The following KLRG2 variants were observed in gnomAD, a reference collection of about 807,000 sequenced individuals.
KLRG2 encodes killer cell lectin-like receptor subfamily G member 2.
A neutral mutation model predicts 35.4 loss-of-function variants in KLRG2; 39 were observed. The ratio of observed to expected loss-of-function variants is 1.10; its 90% confidence interval spans 0.85 to 1.44. The LOEUF (loss-of-function observed/expected upper bound fraction) is 1.44. KLRG2 is among the 40% of genes most tolerant of loss of function. KLRG2 has a pLI of 0.00. For synonymous variants in KLRG2, 283 were observed against 265.8 expected, an observed-to-expected ratio of 1.06 and a Z score of -0.63; for missense variants, 632 against 570.9, an observed-to-expected ratio of 1.11 and a Z score of -1.09.
rs541974906 is a variant in KLRG2 at position 139,458,655 on chromosome 7, C to T, written c.1006-4441G>A. ...ATGTTTCAAATTACTTTTCTTAATC[C>T]TAGGATGTAAATGTATTCAATGGTT... On this transcript the variant is annotated intron_variant, in intron 3 of 4. Transcript: ENST00000340940. Among the ~76,000 whole-genome samples, 55 of 152,252 alleles carry T rather than the reference C, an allele frequency of 3.6e-4. 2 individuals are homozygous for T. In the South Asian group the frequency reaches 0.011, roughly 30 times the overall value.
downstream of KLRG2, among the ~76,000 whole-genome samples, chr7:139,451,196 G>C (rs763098253): frequency 3.3e-5 from 5 of 152,154 alleles, no homozygotes; most frequent in Non-Finnish European, 5.9e-5. Context: ...TGCTAAGTTT[G>C]GGGACAATTT....
At chr7:139,461,162 T>C (rs915822443) in intron 3 of KLRG2, among the ~76,000 whole-genome samples, 147 of 150,952 alleles carry the variant, frequency 9.7e-4, no homozygotes, top group Middle Eastern at 3.5e-3. Context: ...GGCAGGAGAA[T>C]TGCTTGAACT....
chr7:139,435,319 A>T, the KLRG2 span, among the ~76,000 whole-genome samples: 1 of 151,980 alleles, frequency 6.6e-6, no homozygotes, highest in Admixed American at 6.6e-5. Flanking sequence ...GTGAAGCCCC[A>T]TCTCTACCAA....
intron 3 of KLRG2, among the ~76,000 whole-genome samples, chr7:139,475,404 G>A (rs946222619): frequency 7.2e-5 from 11 of 151,990 alleles, no homozygotes; most frequent in African/African-American, 2.7e-4. Context: ...GGTGGCGGGC[G>A]CCTGTAGTCC....
chr7:139,471,888 T>C (rs1796763025), intron 3 of KLRG2, among the ~76,000 whole-genome samples: 1 of 151,914 alleles, frequency 6.6e-6, no homozygotes, highest in African/African-American at 2.4e-5. Context: ...GAGGTGTGTG[T>C]CTCAGAGAGG....
chr7:139,477,857 C>T (rs1796878115), intron 3 of KLRG2, among the ~76,000 whole-genome samples: 1 of 152,002 alleles, frequency 6.6e-6, no homozygotes, highest in African/African-American at 2.4e-5. Flanking sequence ...CTCCCAGGTT[C>T]ATGCCATTCT....
chr7:139,433,953 C>T, the KLRG2 span, among the ~76,000 whole-genome samples: 4 of 152,088 alleles, frequency 2.6e-5, no homozygotes, highest in Admixed American at 6.6e-5. Context: ...CCCAGCATCA[C>T]GTGCGTTTTT....
At chr7:139,482,115 T>C (rs2116489198) in intron 1 of KLRG2, among the ~76,000 whole-genome samples, 2 of 152,280 alleles carry the variant, frequency 1.3e-5, no homozygotes, top group Admixed American at 6.5e-5. Flanking sequence ...CTGGCACATC[T>C]ACCCTGTGGT....
Position 139,483,077 on chromosome 7 carries a change from G to A in KLRG2, c.566C>T (p.Ala189Val). 1.4e-6 allele frequency: 2 copies of A among 1,418,902 alleles called. No homozygotes were observed. Among genetic ancestry groups the A allele is most frequent in the South Asian group, 1.5e-5 (1 of 66,534 alleles). 87.9% of individuals were successfully genotyped at this position (1,418,902 alleles called of 1,614,324 possible). ...GCAGCCGCTCTCCGTCCGGGCTGCA[G>A]CCAGCGGCGAGCGGCGGCCCCACGT... Reference protein sequence around the residue: ...GGTWGRRSPLAAARTESGCDA... With the variant: ...GGTWGRRSPLVAARTESGCDA... The change falls in exon 1 of 5, where the codon GCT becomes GTT. Residue 189 changes from alanine (A) to valine (V), a missense_variant. Coordinates refer to ENST00000340940, the MANE Select transcript of KLRG2 (RefSeq NM_198508.4).
At chr7:139,474,620 G>C (rs930403067) in intron 3 of KLRG2, among the ~76,000 whole-genome samples, 5 of 152,020 alleles carry the variant, frequency 3.3e-5, no homozygotes, top group Non-Finnish European at 5.9e-5. Context: ...AATTAGCTGG[G>C]CATGTTGGCA....
the KLRG2 span, among the ~76,000 whole-genome samples, chr7:139,444,601 C>A: frequency 6.6e-6 from 1 of 152,198 alleles, no homozygotes; most frequent in East Asian, 1.9e-4. Context: ...ATCTGCAAGG[C>A]AAGAGAGCAG....
At chr7:139,436,344 C>A in the KLRG2 span, among the ~76,000 whole-genome samples, 1 of 152,144 alleles carries the variant, frequency 6.6e-6, no homozygotes, top group Non-Finnish European at 1.5e-5. Flanking sequence ...GGGAACCCCC[C>A]CCTTCACACC....
At position 139,479,667 on chromosome 7, in the gene KLRG2, G is replaced by A. The variant is rs1796919421; in HGVS notation, c.965C>T (p.Ser322Leu). The A allele has an allele frequency of 1.2e-6, 2 of 1,613,748 alleles. No individual in the cohort carries two copies. The highest frequency in any genetic ancestry group is 4.5e-5 in the East Asian group (2 of 44,880). ...CAGGGGGAGGGTAGCGTGGTAGGCT[G>A]AGCAGAAAGCCTGGCTGGCTTCCCA... ...QAWEASQAFC[S>L]AYHATLPLLS... is the part of the protein sequence containing the mutation. The change falls in exon 3 of 5, where the codon TCA becomes TTA. Residue 322 changes from serine to leucine, a missense_variant. By Grantham distance (145) the Ser-to-Leu change is moderately radical. Coordinates refer to ENST00000340940, the MANE Select transcript of KLRG2 (RefSeq NM_198508.4).
chr7:139,478,175 C>G (rs1796886933), intron 3 of KLRG2, among the ~76,000 whole-genome samples: 1 of 151,354 alleles, frequency 6.6e-6, no homozygotes, highest in Admixed American at 6.6e-5. Context: ...TTAAGACCAG[C>G]CTGGGCAACA....
Position 139,453,634 on chromosome 7 carries a change from T to G in KLRG2, c.1183A>C (p.Asn395His). 1.1e-5 allele frequency: 17 copies of G among 1,613,476 alleles called. No individual in the cohort carries two copies. The highest frequency in any genetic ancestry group is 1.4e-5 in the Non-Finnish European group (16 of 1,179,720). ...ALEEGTLVAA[N>H]CSTPRPWVCA... is the part of the protein sequence containing the mutation. ...ACCCAGGGTCTTGGAGTGCTGCAGT[T>G]TGCAGCCACCAGCGTGCCTTCCTCC... is the stretch of plus-strand genomic sequence containing the variant. The change falls in exon 5 of 5, where the codon AAC becomes CAC. Residue 395 changes from asparagine to histidine, a missense_variant. By Grantham distance (68) the Asn-to-His change is moderately conservative. Coordinates refer to ENST00000340940, the MANE Select transcript of KLRG2 (RefSeq NM_198508.4).
chr7:139,444,988 A>G, the KLRG2 span, among the ~76,000 whole-genome samples: 1 of 152,126 alleles, frequency 6.6e-6, no homozygotes, highest in Non-Finnish European at 1.5e-5. Flanking sequence ...GACGAGATTC[A>G]CCCAAACACA....
At chr7:139,429,287 CAG>C in the KLRG2 span, among the ~76,000 whole-genome samples, 252 of 152,192 alleles carry the variant, frequency 1.7e-3, 2 homozygotes, top group Middle Eastern at 3.4e-3. Flanking sequence ...GCCTGGGTGA[CAG>C]AGCAAGACCC....
chr7:139,467,928 A>G (rs1434735345), intron 3 of KLRG2, among the ~76,000 whole-genome samples: 1 of 152,228 alleles, frequency 6.6e-6, no homozygotes, highest in Non-Finnish European at 1.5e-5. Flanking sequence ...GGGCAATGGA[A>G]TGTCTCGGTA....
chr7:139,445,781 G>GTGTGTGTATATATATATATA, the KLRG2 span, among the ~76,000 whole-genome samples: 2 of 98,508 alleles, frequency 2.0e-5, 1 homozygote, highest in African/African-American at 1.5e-4. Flanking sequence ...ATATATATAT[G>GTGTGTGTATATATATATATA]TATATATATA....
Sources: gnomAD v4.1 joint callset for allele counts (sites outside exome capture counted in the v4.1 genomes callset) on GRCh38, gnomAD v4.1.1 for gene constraint, MANE v1.5 for transcripts, NCBI Gene and HGNC (gene_info 2026-07-23, HGNC 2026-07-21) for gene names.